Variants in DENND5B observed in about 807,000 individuals in gnomAD.
DENND5B encodes the protein DENN domain-containing protein 5B.
DENND5B carries 34 observed loss-of-function variants against 140.6 expected under a neutral mutation model. That is an observed-to-expected ratio of 0.24 (90% confidence interval 0.18 to 0.32). The LOEUF is 0.32. DENND5B is among the 10% of genes least tolerant of loss of function. The pLI, the probability that DENND5B is intolerant of heterozygous loss-of-function variation, is 1.00. For synonymous variants in DENND5B, 551 were observed against 562.1 expected (o/e 0.98, Z 0.28); for missense variants, 1,142 against 1,560.2 (o/e 0.73, Z 4.52).
At chr12:31,454,743 G>A (rs1037924047) in intron 4 of DENND5B, among the ~76,000 whole-genome samples, 1 of 146,396 alleles carries the variant, frequency 6.8e-6, no homozygotes, top group Non-Finnish European at 1.5e-5. Context: ...GCGCCTGGCC[G>A]GCCTACACCA....
At position 31,455,811 on chromosome 12, in the gene DENND5B, G is replaced by A. The variant is rs1305645724; in HGVS notation, c.1093-3335C>T. ...CCAAGGTGGGCAAATCACAAGGTCA[G>A]GAGTTTGAGATCAGCCTGACCAACA... On this transcript the variant is annotated intron_variant, in intron 4 of 20. Coordinates refer to ENST00000389082, the MANE Select transcript of DENND5B (RefSeq NM_144973.4). Among the ~76,000 whole-genome samples the A allele has an allele frequency of 6.0e-5, 9 of 150,668 alleles. No individual in the cohort carries two copies. The East Asian group carries it at 1.6e-3, about 26-fold the overall frequency.
chr12:31,392,983 T>C (rs1941228832), intron 17 of DENND5B, among the ~76,000 whole-genome samples: 1 of 152,124 alleles, frequency 6.6e-6, no homozygotes, highest in Non-Finnish European at 1.5e-5. Flanking sequence ...TTTCCTCAAC[T>C]GAAAATAGGA....
intron 1 of DENND5B, among the ~76,000 whole-genome samples, chr12:31,505,408 T>G (rs546751869): frequency 6.6e-6 from 1 of 152,166 alleles, no homozygotes; most frequent in South Asian, 2.1e-4. Flanking sequence ...AGCTAATTTT[T>G]GTAGTTTTAG....
intron 6 of DENND5B, among the ~76,000 whole-genome samples, chr12:31,444,481 T>C (rs1412763600): frequency 6.6e-6 from 1 of 152,202 alleles, no homozygotes; most frequent in African/African-American, 2.4e-5. Context: ...TGACCCCAGA[T>C]GATCTGCCCT....
At chr12:31,433,422 A>G (rs1308312926) in intron 7 of DENND5B, among the ~76,000 whole-genome samples, 174 bp from the exon 8 acceptor site, 1 of 152,198 alleles carries the variant, frequency 6.6e-6, no homozygotes, top group Non-Finnish European at 1.5e-5. Context: ...TAAAACATAC[A>G]ACCAAACGGT....
chr12:31,520,092 A>C (rs554212102), intron 1 of DENND5B, among the ~76,000 whole-genome samples: 1 of 152,354 alleles, frequency 6.6e-6, no homozygotes, highest in Admixed American at 6.5e-5. Context: ...AATGTGTTTC[A>C]AATAAGCTTT....
At chr12:31,435,161 G>C (rs998160192) in intron 7 of DENND5B, among the ~76,000 whole-genome samples, 1 of 151,950 alleles carries the variant, frequency 6.6e-6, no homozygotes, top group Non-Finnish European at 1.5e-5. Context: ...ACACAGACTA[G>C]TTCCCAATTT....
chr12:31,483,464 G>A (rs911180386), intron 2 of DENND5B, among the ~76,000 whole-genome samples: 7 of 150,838 alleles, frequency 4.6e-5, no homozygotes, highest in South Asian at 2.1e-4. Context: ...TTTCCAAGAC[G>A]GAGTCTTGCT....
At chr12:31,497,809 GC>G (rs1946824947) in intron 1 of DENND5B, among the ~76,000 whole-genome samples, 1 of 7,398 alleles carries the variant, frequency 1.4e-4, no homozygotes, top group Non-Finnish European at 3.0e-4. Flanking sequence ...ATGGGGAGGG[GC>G]AGCGGAGGGG....
chr12:31,529,873 A>C (rs1948222706), intron 1 of DENND5B, among the ~76,000 whole-genome samples: 1 of 152,280 alleles, frequency 6.6e-6, no homozygotes, highest in African/African-American at 2.4e-5. Flanking sequence ...ATGGCTTAAA[A>C]TGCTGCATTC....
chr12:31,480,320 T>A, intron 2 of DENND5B, 65 bp from the exon 3 acceptor site: 2 of 1,351,062 alleles, frequency 1.5e-6, no homozygotes, highest in Non-Finnish European at 1.9e-6. Context: ...CAGAAATAAA[T>A]GTTGTTTTTT....
intron 1 of DENND5B, among the ~76,000 whole-genome samples, chr12:31,550,972 A>C: frequency 7.5e-6 from 1 of 133,184 alleles, no homozygotes; most frequent in African/African-American, 2.5e-5. Flanking sequence ...GCCCTTTGTC[A>C]GATGAGTAGG....
chr12:31,395,551 C>T (rs190290733), intron 17 of DENND5B, among the ~76,000 whole-genome samples: 2 of 152,114 alleles, frequency 1.3e-5, no homozygotes, highest in African/African-American at 4.8e-5. Context: ...TGAGACCGCA[C>T]CACTGCACTC....
Position 31,452,036 on chromosome 12 carries a change from T to C in DENND5B, c.1533A>G (p.Thr511=), listed in dbSNP as rs574178509. The change falls in exon 5 of 21, where the codon ACA becomes ACG. Residue 511 remains threonine, a synonymous_variant. Coordinates refer to ENST00000389082, the MANE Select transcript of DENND5B (RefSeq NM_144973.4). ...QLREVFANRF[T]QMFADYEAFV... ...ATGCTTCGTAATCTGCAAACATCTG[T>C]GTAAAACGGTTAGCAAAGACCTCTC... 2 of 1,613,952 alleles carry C rather than the reference T, an allele frequency of 1.2e-6. No individual in the cohort carries two copies. The highest frequency in any genetic ancestry group is 2.7e-5 in the African/African-American group (2 of 75,046).
chr12:31,385,811 C>T lies in DENND5B; in HGVS notation c.*1792G>A, dbSNP rs1940827128. ...TCACGCCATTCTCCTGCCTCAGCCT[C>T]CTGTACAGGCACCCGCCACCACGCC... is the stretch of plus-strand genomic sequence containing the variant. On this transcript the variant is annotated 3_prime_UTR_variant, in exon 21 of 21. Transcript: ENST00000389082. 1 of 152,540 alleles carries T rather than the reference C, an allele frequency of 6.6e-6. No homozygotes were observed. The highest frequency in any genetic ancestry group is 6.5e-5 in the Admixed American group (1 of 15,278). The allele number at this position is 152,540 out of a possible 1,614,324, so 9.4% of individuals were successfully genotyped here.
At chr12:31,552,484 T>C (rs887722579) in intron 1 of DENND5B, among the ~76,000 whole-genome samples, 5 of 152,234 alleles carry the variant, frequency 3.3e-5, no homozygotes, top group African/African-American at 1.2e-4. Context: ...TTGAGGATTT[T>C]TGCATCGATG....
chr12:31,392,175 T>C (rs1941183516), intron 19 of DENND5B, 92 bp downstream of exon 19: 1 of 1,375,152 alleles, frequency 7.3e-7, no homozygotes, highest in African/African-American at 1.5e-5. Flanking sequence ...TATATCCTTA[T>C]CACTAACCCT....
chr12:31,587,524 ACC>A (rs1189617931), intron 1 of DENND5B, among the ~76,000 whole-genome samples: 2 of 118,532 alleles, frequency 1.7e-5, no homozygotes, highest in Non-Finnish European at 3.4e-5. Context: ...CACCACAAAT[ACC>A]TTTTTTTTTT....
At chr12:31,403,287 C>G (rs1293370940) in intron 14 of DENND5B, among the ~76,000 whole-genome samples, 1 of 152,190 alleles carries the variant, frequency 6.6e-6, no homozygotes, top group East Asian at 1.9e-4. Context: ...GGAGGCTCTT[C>G]CACAGACAGA....
Sources: gnomAD v4.1 joint callset for allele counts (sites outside exome capture counted in the v4.1 genomes callset) on GRCh38, gnomAD v4.1.1 for gene constraint, MANE v1.5 for transcripts, NCBI Gene and HGNC (gene_info 2026-07-23, HGNC 2026-07-21) for gene names.